Variants in SPEF2 observed in about 807,000 individuals in gnomAD.
SPEF2 encodes the protein sperm flagellar and cilia associated 2, also known as sperm flagella and cilia-associated protein 2.
In SPEF2, 187 loss-of-function variants were observed where a neutral mutation model predicts 224.6. The observed-to-expected ratio is 0.83, with a 90% confidence interval of 0.74 to 0.94. The LOEUF is 0.94. SPEF2 is among the 40% of genes least tolerant of loss of function. The pLI, the probability that SPEF2 is intolerant of heterozygous loss-of-function variation, is 0.00. For synonymous variants in SPEF2, 715 were observed against 707.3 expected (o/e 1.01, Z -0.17); for missense variants, 2,170 against 2,135.6 (o/e 1.02, Z -0.32).
chr5:35,692,151 T>A (rs1754599908), intron 11 of SPEF2, among the ~76,000 whole-genome samples: 1 of 152,096 alleles, frequency 6.6e-6, no homozygotes, highest in South Asian at 2.1e-4. Context: ...TAGCTCATGC[T>A]TGTAATCCCT....
Position 35,723,232 on chromosome 5 carries a change from G to GA in SPEF2, c.2915-4437dup, listed in dbSNP as rs199970940. Among the ~76,000 whole-genome samples the GA allele has an allele frequency of 4.6e-3, 701 of 152,124 alleles. 27 individuals carry two copies. The highest frequency in any genetic ancestry group is 0.043 in the Admixed American group (653 of 15,276). ...ATTTGAAGGATCTGGAAGAACAGAG[G>GA]AAAAAAGACAAAAGTGAAAGGAAAT... On this transcript the variant is annotated intron_variant, in intron 20 of 36. Coordinates refer to ENST00000356031, the MANE Select transcript of SPEF2 (RefSeq NM_024867.4).
At chr5:35,640,975 T>C (rs1746555585) in intron 2 of SPEF2, among the ~76,000 whole-genome samples, 2 of 152,204 alleles carry the variant, frequency 1.3e-5, no homozygotes, top group Non-Finnish European at 2.9e-5. Context: ...CTATATGATG[T>C]TATACACGCT....
At chr5:35,746,035 G>A (rs1260673069) in intron 23 of SPEF2, among the ~76,000 whole-genome samples, 1 of 152,174 alleles carries the variant, frequency 6.6e-6, no homozygotes, top group East Asian at 1.9e-4. Flanking sequence ...CCCGGAGCAG[G>A]GTAGACTTAC....
At chr5:35,794,921 C>T (rs1256345248) in intron 32 of SPEF2, among the ~76,000 whole-genome samples, 1 of 151,978 alleles carries the variant, frequency 6.6e-6, no homozygotes, top group Non-Finnish European at 1.5e-5. Context: ...CCTCAGGTCC[C>T]CCTCCTCTGA....
chr5:35,813,645 A>G (rs1418366165), intron 36 of SPEF2, among the ~76,000 whole-genome samples: 1 of 152,174 alleles, frequency 6.6e-6, no homozygotes. Context: ...AAAGAAAATG[A>G]TTCACTATGA....
intron 23 of SPEF2, among the ~76,000 whole-genome samples, chr5:35,751,096 C>CATATATAT (rs376188111): frequency 2.0e-4 from 6 of 30,616 alleles, no homozygotes; most frequent in African/African-American, 5.5e-4. Flanking sequence ...CACACACACA[C>CATATATAT]ATATATATAT....
intron 30 of SPEF2, among the ~76,000 whole-genome samples, chr5:35,779,850 A>G (rs1754084998): frequency 6.6e-6 from 1 of 152,194 alleles, no homozygotes; most frequent in African/African-American, 2.4e-5. Context: ...GTTCATATGT[A>G]TGTGTAAATG....
chr5:35,724,735 T>A (rs1463876801), intron 20 of SPEF2, among the ~76,000 whole-genome samples: 3 of 152,262 alleles, frequency 2.0e-5, no homozygotes, highest in Non-Finnish European at 4.4e-5. Context: ...GTGGCTATTA[T>A]AAAGAATAAG....
chr5:35,798,202 C>T (rs6895099), intron 33 of SPEF2, among the ~76,000 whole-genome samples: 1 of 151,922 alleles, frequency 6.6e-6, no homozygotes, highest in African/African-American at 2.4e-5. Context: ...ATCACAGCAT[C>T]CCCCGCTCAA....
intron 1 of SPEF2, among the ~76,000 whole-genome samples, chr5:35,626,867 A>G (rs963255983): frequency 2.6e-5 from 4 of 152,168 alleles, no homozygotes; most frequent in Non-Finnish European, 4.4e-5. Context: ...TGAGGACTGC[A>G]CAGTGGCTGT....
intron 36 of SPEF2, among the ~76,000 whole-genome samples, chr5:35,810,179 G>C (rs945275868): frequency 1.3e-5 from 2 of 152,128 alleles, no homozygotes; most frequent in African/African-American, 2.4e-5. Context: ...TAGGTGTTCT[G>C]ACTTCCCAGG....
At chr5:35,803,997 G>A (rs530164161) in intron 34 of SPEF2, among the ~76,000 whole-genome samples, 6 of 152,338 alleles carry the variant, frequency 3.9e-5, no homozygotes, top group African/African-American at 1.4e-4. Flanking sequence ...TGGGAAAATG[G>A]TTCGTTCTGC....
intron 1 of SPEF2, among the ~76,000 whole-genome samples, chr5:35,620,635 C>A (rs1003438417): frequency 2.6e-5 from 4 of 152,106 alleles, no homozygotes; most frequent in African/African-American, 9.7e-5. Context: ...ATCTGAGTAT[C>A]CTTCAAAAGT....
intron 36 of SPEF2, chr5:35,808,107 C>A: frequency 1.0e-6 from 1 of 1,002,870 alleles, no homozygotes; most frequent in African/African-American, 1.7e-5. Flanking sequence ...CTTCCTATAC[C>A]CACAAATGAA....
chr5:35,696,113 T>C (rs1401783342), intron 14 of SPEF2, among the ~76,000 whole-genome samples: 2 of 152,168 alleles, frequency 1.3e-5, no homozygotes, highest in Non-Finnish European at 2.9e-5. Flanking sequence ...TCATACCCTC[T>C]TTACCTTTAA....
rs1434800844 is a variant in SPEF2 at position 35,645,667 on chromosome 5, C to G, written c.586-1000C>G. On this transcript the variant is annotated intron_variant, in intron 4 of 36. Coordinates refer to ENST00000356031, the MANE Select transcript of SPEF2 (RefSeq NM_024867.4). The stretch of plus-strand genomic sequence containing the variant: ...TGTAATTTATGTGGAACCAGCCTGT[C>G]TATTAGTGCCAAGCCTAATGCAGAC... Among the ~76,000 whole-genome samples the G allele has an allele frequency of 2.0e-5, 3 of 152,034 alleles. No individual in the cohort carries two copies. In the South Asian group the frequency reaches 6.2e-4, roughly 32 times the overall value.
At chr5:35,769,969 G>T (rs1752565298) in intron 26 of SPEF2, among the ~76,000 whole-genome samples, 1 of 149,708 alleles carries the variant, frequency 6.7e-6, no homozygotes, top group Non-Finnish European at 1.5e-5. Flanking sequence ...TTTAAACCCT[G>T]TGTTGCTACT....
At chr5:35,667,007 AATG>A (rs1483270179) in intron 8 of SPEF2, 62 bp from the exon 9 acceptor site, 24 of 1,448,912 alleles carry the variant, frequency 1.7e-5, no homozygotes, top group Non-Finnish European at 2.0e-5. Context: ...TGGCCATTGA[AATG>A]ATGACATTAT....
At chr5:35,660,838 G>C (rs1376793187) in intron 8 of SPEF2, among the ~76,000 whole-genome samples, 1 of 152,146 alleles carries the variant, frequency 6.6e-6, no homozygotes. Context: ...ATTCTTTCTT[G>C]AACTGGGGTT....
Sources: gnomAD v4.1 joint callset for allele counts (sites outside exome capture counted in the v4.1 genomes callset) on GRCh38, gnomAD v4.1.1 for gene constraint, MANE v1.5 for transcripts, NCBI Gene and HGNC (gene_info 2026-07-23, HGNC 2026-07-21) for gene names.